The following MANBA variants were observed in gnomAD, a reference collection of about 807,000 sequenced individuals.
MANBA encodes mannosidase beta.
In MANBA, 83 loss-of-function variants were observed where a neutral mutation model predicts 111.1. That is an observed-to-expected ratio of 0.75 (90% CI 0.63 to 0.90). The LOEUF is 0.90. Among genes scored for constraint, MANBA ranks in the 40% least tolerant of loss-of-function variants. The pLI, the probability that MANBA is intolerant of heterozygous loss-of-function variation, is 0.00. For missense variants in MANBA, 1,036 were observed against 1,069.0 expected (o/e 0.97, Z 0.43); for synonymous variants, 370 against 378.7 (o/e 0.98, Z 0.27).
intron 1 of MANBA, chr4:102,730,309 C>G (rs960450371): frequency 9.1e-6 from 5 of 550,444 alleles, no homozygotes; most frequent in African/African-American, 5.7e-5. Context: ...GAGGGTATAA[C>G]TTAGATTTAT....
At chr4:102,738,605 C>A (rs899008631) in intron 1 of MANBA, among the ~76,000 whole-genome samples, 3 of 152,166 alleles carry the variant, frequency 2.0e-5, no homozygotes, top group African/African-American at 7.2e-5. Flanking sequence ...TAAACAGTAA[C>A]CCTTGAGTTC....
At position 102,674,073 on chromosome 4, in the gene MANBA, G is replaced by T; in HGVS notation, c.961-3C>A. 1.3e-6 allele frequency: 2 copies of T among 1,589,218 alleles called. No homozygotes were observed. The highest frequency in any genetic ancestry group is 1.7e-6 in the Non-Finnish European group (2 of 1,157,780). On this transcript the variant is annotated splice_polypyrimidine_tract_variant and splice_region_variant and intron_variant, in intron 7 of 16. Coordinates refer to ENST00000647097, the MANE Select transcript of MANBA (RefSeq NM_005908.4). ...AGTTCCACTGTCCTAAAATAAACCT[G>T]CAATGAACAGAATTAAATGATGAAT...
At chr4:102,751,844 C>CA (rs898743675) in intron 1 of MANBA, 152 of 489,314 alleles carry the variant, frequency 3.1e-4, no homozygotes, top group Middle Eastern at 1.2e-3. Flanking sequence ...TGGCCTGGGC[C>CA]AAAAAAAAAG....
At chr4:102,729,315 A>G (rs1378276320) in intron 1 of MANBA, 1 of 753,916 alleles carries the variant, frequency 1.3e-6, no homozygotes, top group Admixed American at 1.7e-5. Context: ...GCAGCTCCTC[A>G]TCCTTGATCT....
Position 102,753,732 on chromosome 4 carries a change from G to A in MANBA, c.177+6986C>T, listed in dbSNP as rs974946816. The A allele has an allele frequency of 2.5e-5, 4 of 158,294 alleles. No homozygotes were observed. In the South Asian group the frequency reaches 5.9e-4, roughly 23 times the overall value. The allele number at this position is 158,294 out of a possible 1,614,324, so 9.8% of individuals were successfully genotyped here. ...TACTTCATTAATAAATGGGACATTT[G>A]GGGATTTAGTTTTAATTTGAATTTT... On this transcript the variant is annotated intron_variant, in intron 1 of 16. Coordinates refer to ENST00000647097, the MANE Select transcript of MANBA (RefSeq NM_005908.4).
intron 5 of MANBA, among the ~76,000 whole-genome samples, chr4:102,706,806 A>G (rs1733317593): frequency 6.6e-6 from 1 of 152,176 alleles, no homozygotes; most frequent in East Asian, 1.9e-4. Flanking sequence ...GTTATTCAAC[A>G]ATAATTAGAG....
chr4:102,731,201 A>G (rs980446618), intron 1 of MANBA, among the ~76,000 whole-genome samples: 4 of 151,876 alleles, frequency 2.6e-5, no homozygotes, highest in Admixed American at 1.3e-4. Context: ...AAAAAAAAAG[A>G]TTGGCTTCCC....
chr4:102,650,773 A>G (rs2110203328), intron 12 of MANBA, 72 bp from the exon 13 acceptor site: 1 of 1,235,816 alleles, frequency 8.1e-7, no homozygotes, highest in South Asian at 1.2e-5. Context: ...AGTTCCTGAC[A>G]AACCTGGAAA....
At position 102,686,672 on chromosome 4, in the gene MANBA, T is replaced by C. The variant is rs566168184; in HGVS notation, c.960+2902A>G. Among the ~76,000 whole-genome samples, 89 of 151,782 alleles carry C rather than the reference T, an allele frequency of 5.9e-4. 2 individuals are homozygous for C. Among genetic ancestry groups the C allele is most frequent in the Non-Finnish European group, 4.0e-4 (27 of 67,930 alleles). ...TTCAACACTCTGAACATTCTTTGCT[T>C]CTTAAAACACTCTTTCCCTCTGGTT... On this transcript the variant is annotated intron_variant, in intron 7 of 16. Transcript: ENST00000647097.
chr4:102,723,132 C>G, intron 3 of MANBA, 91 bp from the exon 4 acceptor site: 1 of 1,145,594 alleles, frequency 8.7e-7, no homozygotes, highest in Non-Finnish European at 1.3e-6. Context: ...ATGAAAGACA[C>G]ATAATATAAT....
intron 1 of MANBA, chr4:102,734,622 A>G (rs1011667260): frequency 5.1e-6 from 8 of 1,582,922 alleles, no homozygotes; most frequent in East Asian, 2.2e-5. Flanking sequence ...GTAGAAGAGG[A>G]GGCCCGAGGA....
chr4:102,693,866 A>T (rs1466897745), intron 5 of MANBA, among the ~76,000 whole-genome samples: 1 of 152,154 alleles, frequency 6.6e-6, no homozygotes, highest in African/African-American at 2.4e-5. Context: ...TGCCTCACAA[A>T]ATAGCCTTCC....
chr4:102,714,475 A>G lies in MANBA; in HGVS notation c.636T>C (p.Ile212=), dbSNP rs781685326. 6.2e-7 allele frequency: 1 copy of G among 1,606,884 alleles called. No individual in the cohort carries two copies. The highest frequency in any genetic ancestry group is 8.5e-7 in the Non-Finnish European group (1 of 1,173,436). ...WKDVRIEAYN[I]CHLNYFTFSP... ...AAAATGTGAAGTAGTTCAGGTGACA[A>G]ATATTATAGGCTTCAATTCTAACAT... Residue 212 remains isoleucine (I), a synonymous_variant, in exon 5 of 17, where the codon ATT becomes ATC. Transcript: ENST00000647097.
At chr4:102,651,153 C>T (rs909271391) in intron 12 of MANBA, among the ~76,000 whole-genome samples, 2 of 151,950 alleles carry the variant, frequency 1.3e-5, no homozygotes, top group Non-Finnish European at 2.9e-5. Flanking sequence ...ACCTATTACA[C>T]TATAATAGGG....
At chr4:102,645,508 G>A (rs555430496) in intron 13 of MANBA, among the ~76,000 whole-genome samples, 4 of 151,730 alleles carry the variant, frequency 2.6e-5, no homozygotes, top group African/African-American at 4.8e-5. Context: ...TTCTTTTTAC[G>A]GGAAGGTTTT....
At chr4:102,759,591 T>G (rs1724157811) in intron 1 of MANBA, among the ~76,000 whole-genome samples, 1 of 148,626 alleles carries the variant, frequency 6.7e-6, no homozygotes, top group Non-Finnish European at 1.5e-5. Context: ...AACTACTAAG[T>G]ACCAGGTCAG....
intron 5 of MANBA, among the ~76,000 whole-genome samples, chr4:102,696,663 T>G (rs1732722522): frequency 6.6e-6 from 1 of 152,144 alleles, no homozygotes; most frequent in African/African-American, 2.4e-5. Flanking sequence ...AAAAAGATGC[T>G]TCATCTCACT....
intron 1 of MANBA, among the ~76,000 whole-genome samples, chr4:102,755,860 G>T (rs555349029): frequency 6.6e-6 from 1 of 152,084 alleles, no homozygotes; most frequent in Admixed American, 6.5e-5. Flanking sequence ...GCAGCCAAAA[G>T]ACACATGAAA....
intron 1 of MANBA, chr4:102,751,474 C>G (rs1412749722): frequency 1.9e-6 from 1 of 526,030 alleles, no homozygotes; most frequent in African/African-American, 1.9e-5. Context: ...TTCTCAATCC[C>G]TGCCGCCTCT....
Sources: gnomAD v4.1 joint callset for allele counts (sites outside exome capture counted in the v4.1 genomes callset) on GRCh38, gnomAD v4.1.1 for gene constraint, MANE v1.5 for transcripts, NCBI Gene and HGNC (gene_info 2026-07-23, HGNC 2026-07-21) for gene names.